Variants in RIMS1 observed in about 807,000 individuals in gnomAD.
The protein encoded by RIMS1 is regulating synaptic membrane exocytosis protein 1.
In RIMS1, 83 loss-of-function variants were observed where a neutral mutation model predicts 214.1. The observed-to-expected ratio is 0.39, with a 90% CI of 0.32 to 0.47. RIMS1 has a LOEUF of 0.47. Ranked by LOEUF, RIMS1 falls within the 20% of genes least tolerant of loss-of-function variation. RIMS1 has a pLI of 0.99. For missense variants in RIMS1, 2,050 were observed against 2,161.8 expected (o/e 0.95, Z 1.03); for synonymous variants, 793 against 786.8 (o/e 1.01, Z -0.13).
intron 4 of RIMS1, among the ~76,000 whole-genome samples, chr6:72,100,258 C>T (rs1359322505): frequency 6.6e-6 from 1 of 151,928 alleles, no homozygotes; most frequent in Non-Finnish European, 1.5e-5. Flanking sequence ...CTGCTTGACT[C>T]TGAGTTTTGA....
chr6:72,233,466 T>A (rs897850306), intron 6 of RIMS1, among the ~76,000 whole-genome samples: 5 of 151,350 alleles, frequency 3.3e-5, no homozygotes, highest in South Asian at 2.1e-4. Context: ...TGGCTGGGTA[T>A]GGACTGTCCT....
intron 2 of RIMS1, among the ~76,000 whole-genome samples, chr6:72,096,413 T>C (rs2031709139): frequency 6.6e-6 from 1 of 152,180 alleles, no homozygotes. Context: ...AGCAACATAG[T>C]CTAAAACAGT....
At chr6:72,257,058 G>T (rs554450312) in intron 16 of RIMS1, among the ~76,000 whole-genome samples, 82 of 152,044 alleles carry the variant, frequency 5.4e-4, no homozygotes, top group African/African-American at 1.9e-3. Context: ...CTATTAGCCT[G>T]CCTTTAATCA....
At chr6:72,374,684 G>C (rs1300147032) in intron 29 of RIMS1, among the ~76,000 whole-genome samples, 2 of 152,194 alleles carry the variant, frequency 1.3e-5, no homozygotes, top group African/African-American at 4.8e-5. Context: ...TTTTGTGGAA[G>C]ACAATTTTTC....
At chr6:72,067,819 GA>G (rs1370845011) in intron 2 of RIMS1, among the ~76,000 whole-genome samples, 2 of 152,346 alleles carry the variant, frequency 1.3e-5, no homozygotes, top group East Asian at 3.9e-4. Flanking sequence ...ATACACATTA[GA>G]AAATCAGAGC....
In RIMS1 at chr6:72,012,386, G is replaced by A. The variant is rs543412724; in HGVS notation, c.245+43323G>A. On this transcript the variant is annotated intron_variant, in intron 2 of 33. Coordinates refer to ENST00000521978, the MANE Select transcript of RIMS1 (RefSeq NM_014989.7). ...AGGAGATATACCTAATGTAAATGAC[G>A]AGTTAATGGGTGCAGCACACTAACA... Among the ~76,000 whole-genome samples the A allele has an allele frequency of 2.8e-3, 426 of 152,140 alleles. 1 individual carries two copies. The highest frequency in any genetic ancestry group is 1.0e-2 in the African/African-American group (414 of 41,476).
intron 2 of RIMS1, among the ~76,000 whole-genome samples, chr6:72,065,602 A>C (rs1006197216): frequency 1.1e-4 from 16 of 152,316 alleles, no homozygotes; most frequent in African/African-American, 3.8e-4. Context: ...AATAATGTTA[A>C]ACTTTTATTG....
chr6:71,905,718 T>A (rs1775058684), intron 1 of RIMS1, among the ~76,000 whole-genome samples: 1 of 152,162 alleles, frequency 6.6e-6, no homozygotes. Context: ...ATCAGTGGTT[T>A]CCACACTGTG....
chr6:71,897,975 G>A (rs1292955621), intron 1 of RIMS1, among the ~76,000 whole-genome samples: 2 of 152,110 alleles, frequency 1.3e-5, no homozygotes, highest in Admixed American at 1.3e-4. Context: ...AGTGAGTTGA[G>A]TGCTTTTAGT....
At chr6:71,925,896 A>C (rs1027167903) in intron 1 of RIMS1, among the ~76,000 whole-genome samples, 5 of 152,206 alleles carry the variant, frequency 3.3e-5, no homozygotes, top group Admixed American at 6.5e-5. Flanking sequence ...TTTTTACAAG[A>C]AATGTTTTTA....
intron 1 of RIMS1, among the ~76,000 whole-genome samples, chr6:71,902,038 T>G (rs1024736147): frequency 6.6e-6 from 1 of 152,076 alleles, no homozygotes. Context: ...TAGAGGAGAA[T>G]GAGGAGTTCA....
intron 4 of RIMS1, among the ~76,000 whole-genome samples, chr6:72,113,982 GT>G (rs563508593): frequency 5.9e-5 from 9 of 152,006 alleles, no homozygotes; most frequent in Non-Finnish European, 1.3e-4. Flanking sequence ...TAATGAGACT[GT>G]TTTATGAACT....
chr6:72,333,765 C>T lies in RIMS1; in HGVS notation c.4296C>T (p.Ser1432=). 6 of 1,599,192 alleles carry T rather than the reference C, an allele frequency of 3.8e-6. No individual in the cohort carries two copies. Among genetic ancestry groups the T allele is most frequent in the Non-Finnish European group, 5.1e-6 (6 of 1,172,778 alleles). ...GAGCAGGTGGAAAGAAACGGAGATC[C>T]AGCCTTAGTGCCAAAGTGGTTGCCA... ...TVGAGGKKRR[S]SLSAKVVAIV... Residue 1432 remains serine, a synonymous_variant, in exon 29 of 34, where the codon TCC becomes TCT. Coordinates refer to ENST00000521978, the MANE Select transcript of RIMS1 (RefSeq NM_014989.7).
chr6:71,964,133 A>G (rs1793766243), intron 1 of RIMS1, among the ~76,000 whole-genome samples: 1 of 152,192 alleles, frequency 6.6e-6, no homozygotes, highest in South Asian at 2.1e-4. Context: ...GGTAGGAACC[A>G]TCAAAAACTC....
intron 4 of RIMS1, among the ~76,000 whole-genome samples, chr6:72,151,908 A>G (rs1336891661): frequency 1.3e-5 from 2 of 152,176 alleles, no homozygotes; most frequent in Non-Finnish European, 2.9e-5. Flanking sequence ...GGAAGTTGCA[A>G]ACATGGTGGG....
intron 22 of RIMS1, among the ~76,000 whole-genome samples, chr6:72,271,271 A>G (rs1185925410): frequency 2.4e-4 from 13 of 54,590 alleles, no homozygotes; most frequent in Admixed American, 4.6e-4. Flanking sequence ...ATCTCAAGGA[A>G]AAAAAAAAAA....
intron 4 of RIMS1, among the ~76,000 whole-genome samples, chr6:72,140,501 C>T (rs2041955066): frequency 6.6e-6 from 1 of 152,042 alleles, no homozygotes; most frequent in African/African-American, 2.4e-5. Context: ...CCCTGTCATA[C>T]AGTATGACAG....
chr6:72,299,409 A>T (rs1213494704), intron 26 of RIMS1, among the ~76,000 whole-genome samples: 1 of 151,928 alleles, frequency 6.6e-6, no homozygotes, highest in Non-Finnish European at 1.5e-5. Flanking sequence ...GGAACAAAGT[A>T]AATAGCATTT....
intron 2 of RIMS1, among the ~76,000 whole-genome samples, chr6:71,991,256 T>C (rs1801481164): frequency 1.3e-5 from 2 of 152,018 alleles, no homozygotes; most frequent in Admixed American, 1.3e-4. Flanking sequence ...TCACTTGTCT[T>C]TTTAATTAAA....
Sources: allele counts gnomAD v4.1 joint callset (sites outside exome capture counted in the v4.1 genomes callset), GRCh38; gene constraint gnomAD v4.1.1; transcripts MANE v1.5; gene names NCBI Gene and HGNC (gene_info 2026-07-23, HGNC 2026-07-21).